OR2L13: variants seen among roughly 807,000 people sequenced by gnomAD.
OR2L13 encodes the protein olfactory receptor 2L13.
Under a neutral mutation model 15.3 loss-of-function variants are expected in OR2L13, and 14 were observed. The observed-to-expected ratio is 0.91, with a 90% CI of 0.60 to 1.43. The LOEUF (loss-of-function observed/expected upper bound fraction) is 1.43, where lower values mean the gene tolerates loss of function less well. OR2L13 is among the 40% of genes most tolerant of loss of function. The pLI, the probability that OR2L13 is intolerant of heterozygous loss-of-function variation, is 0.00. For missense variants in OR2L13, 367 were observed against 387.9 expected (o/e 0.95, Z 0.45); for synonymous variants, 152 against 142.9 (o/e 1.06, Z -0.45).
the OR2L13 span, among the ~76,000 whole-genome samples, chr1:247,977,529 G>C: frequency 0.028 from 4,263 of 152,142 alleles, 163 homozygotes; most frequent in African/African-American, 0.098. Flanking sequence ...ACACCTCAGT[G>C]CAAGTCATGC....
the OR2L13 span, among the ~76,000 whole-genome samples, chr1:247,995,661 C>G: frequency 1.3e-5 from 2 of 152,236 alleles, no homozygotes; most frequent in South Asian, 2.1e-4. Flanking sequence ...GAGCAGAAAC[C>G]TATCCACATC....
the OR2L13 span, chr1:247,949,166 C>T: frequency 2.2e-5 from 35 of 1,614,132 alleles, no homozygotes; most frequent in African/African-American, 3.5e-4. Context: ...GTTTCTTCTT[C>T]TTGGCATTAG....
the OR2L13 span, among the ~76,000 whole-genome samples, chr1:248,006,524 C>A: frequency 6.6e-6 from 1 of 151,914 alleles, no homozygotes; most frequent in East Asian, 1.9e-4. Flanking sequence ...AAACCAATCC[C>A]GAGAAGGATG....
chr1:248,021,346 T>G, the OR2L13 span, among the ~76,000 whole-genome samples: 1 of 152,182 alleles, frequency 6.6e-6, no homozygotes, highest in African/African-American at 2.4e-5. Flanking sequence ...TATAAATAAT[T>G]CACAGTCTAA....
the OR2L13 span, chr1:247,965,679 G>T: frequency 1.3e-6 from 2 of 1,551,644 alleles, no homozygotes; most frequent in Non-Finnish European, 1.7e-6. Flanking sequence ...AGATTCAAAC[G>T]TATGTGTTCT....
chr1:247,989,695 G>A, the OR2L13 span, among the ~76,000 whole-genome samples: 1 of 152,012 alleles, frequency 6.6e-6, no homozygotes, highest in African/African-American at 2.4e-5. Context: ...ACTAAACTAA[G>A]GACTTTTTAA....
chr1:247,946,744 C>T, the OR2L13 span, among the ~76,000 whole-genome samples: 6 of 152,126 alleles, frequency 3.9e-5, no homozygotes, highest in African/African-American at 1.4e-4. Flanking sequence ...TCCATAATCA[C>T]CCCCAGGTTC....
At chr1:248,064,160 A>G in the OR2L13 span, among the ~76,000 whole-genome samples, 2 of 152,162 alleles carry the variant, frequency 1.3e-5, no homozygotes, top group Non-Finnish European at 2.9e-5. Flanking sequence ...CCCAAAATCC[A>G]TATGCTTAAA....
chr1:248,022,043 C>A, the OR2L13 span: 1 of 1,613,970 alleles, frequency 6.2e-7, no homozygotes, highest in Non-Finnish European at 8.5e-7. Context: ...TCTTTGTTCT[C>A]ATTTTCCTAA....
At chr1:247,969,944 C>A in the OR2L13 span, among the ~76,000 whole-genome samples, 1 of 152,250 alleles carries the variant, frequency 6.6e-6, no homozygotes, top group Admixed American at 6.5e-5. Context: ...TTCTCTGAAG[C>A]TTTTGGGTTA....
At chr1:248,014,096 G>C in the OR2L13 span, among the ~76,000 whole-genome samples, 1 of 152,070 alleles carries the variant, frequency 6.6e-6, no homozygotes, top group Non-Finnish European at 1.5e-5. Flanking sequence ...CTTGGTTGGT[G>C]ATTTTTTGGT....
the OR2L13 span, among the ~76,000 whole-genome samples, chr1:247,956,376 G>C: frequency 6.6e-6 from 1 of 151,260 alleles, no homozygotes; most frequent in Non-Finnish European, 1.5e-5. Flanking sequence ...GTCAGGTAGC[G>C]TGATGCCTCC....
the OR2L13 span, among the ~76,000 whole-genome samples, chr1:248,066,819 G>C: frequency 5.3e-5 from 8 of 152,106 alleles, no homozygotes; most frequent in Non-Finnish European, 1.5e-5. Context: ...TTCTATAATT[G>C]TAAGCTGTCT....
the OR2L13 span, among the ~76,000 whole-genome samples, chr1:247,977,399 A>C: frequency 1.4e-4 from 22 of 152,298 alleles, no homozygotes; most frequent in South Asian, 2.3e-3. Context: ...ATTTTACTAC[A>C]TATATATCTA....
chr1:247,991,071 A>G, the OR2L13 span: 4 of 1,583,054 alleles, frequency 2.5e-6, no homozygotes, highest in Non-Finnish European at 2.6e-6. Context: ...GATCTCCGAC[A>G]GAGGACAAGG....
At chr1:247,995,353 T>C in the OR2L13 span, among the ~76,000 whole-genome samples, 2 of 152,258 alleles carry the variant, frequency 1.3e-5, no homozygotes, top group Non-Finnish European at 2.9e-5. Flanking sequence ...CAGACTATTA[T>C]CTGTTACCAT....
At chr1:248,032,652 G>A in the OR2L13 span, among the ~76,000 whole-genome samples, 1 of 151,950 alleles carries the variant, frequency 6.6e-6, no homozygotes, top group Non-Finnish European at 1.5e-5. Context: ...ATGTAATCAA[G>A]TTTCATCTAT....
chr1:248,030,958 C>G, the OR2L13 span, among the ~76,000 whole-genome samples: 1 of 152,040 alleles, frequency 6.6e-6, no homozygotes, highest in African/African-American at 2.4e-5. Flanking sequence ...TCTCTTTTTC[C>G]TCCTGTGTAT....
At chr1:248,052,520 A>G in the OR2L13 span, among the ~76,000 whole-genome samples, 1 of 152,130 alleles carries the variant, frequency 6.6e-6, no homozygotes, top group African/African-American at 2.4e-5. Flanking sequence ...CAAGGTAAGG[A>G]GGTTGAGGCC....
Sources: gnomAD v4.1 joint callset for allele counts (sites outside exome capture counted in the v4.1 genomes callset) on GRCh38, gnomAD v4.1.1 for gene constraint, MANE v1.5 for transcripts, NCBI Gene and HGNC (gene_info 2026-07-23, HGNC 2026-07-21) for gene names.